The following GTF2E2 variants were observed in gnomAD, a reference collection of about 807,000 sequenced individuals.
GTF2E2 encodes the protein transcription initiation factor IIE subunit beta.
In GTF2E2, 21 loss-of-function variants were observed where a neutral mutation model predicts 40.5. The observed-to-expected ratio is 0.52, with a 90% CI of 0.37 to 0.75. The LOEUF is 0.75. GTF2E2 is among the 30% of genes least tolerant of loss of function. GTF2E2 has a pLI of 0.00. For synonymous variants in GTF2E2, 117 were observed against 121.6 expected (o/e 0.96, Z 0.25); for missense variants, 298 against 338.4 (o/e 0.88, Z 0.94).
At chr8:30,638,782 A>G (rs1226797274) in intron 2 of GTF2E2, 1 of 152,356 alleles carries the variant, frequency 6.6e-6, no homozygotes. Flanking sequence ...ACCGCTTGGT[A>G]GGATTTTATT....
intron 3 of GTF2E2, among the ~76,000 whole-genome samples, chr8:30,625,223 C>T (rs530537711): frequency 4.6e-5 from 7 of 151,984 alleles, no homozygotes; most frequent in South Asian, 2.1e-4. Context: ...TAGTATGAAG[C>T]GCTGTTGAAT....
At chr8:30,620,808 A>G (rs1157947915) in intron 3 of GTF2E2, among the ~76,000 whole-genome samples, 1 of 151,976 alleles carries the variant, frequency 6.6e-6, no homozygotes, top group Non-Finnish European at 1.5e-5. Flanking sequence ...ACATGCCTAT[A>G]ATTCCAGCTG....
In GTF2E2 at chr8:30,591,491, AAAAAATAAAAT is replaced by A. The variant is rs370871566; in HGVS notation, c.644-11106_644-11096del. ...AGAGTGAGACCCTGTTTCTACAGTA[AAAAAATAAAAT>A]AAAAATAAAATAAAATATAAAATGG... is the stretch of plus-strand genomic sequence containing the variant. On this transcript the variant is annotated intron_variant, in intron 6 of 7. Transcript: ENST00000355904. 4.1e-3 allele frequency among the ~76,000 whole-genome samples: 627 copies of A among 152,194 alleles called. 4 individuals are homozygous for A. Among genetic ancestry groups the A allele is most frequent in the African/African-American group, 0.014 (592 of 41,506 alleles).
At chr8:30,628,773 T>C (rs570425458) in intron 3 of GTF2E2, among the ~76,000 whole-genome samples, 31 of 151,948 alleles carry the variant, frequency 2.0e-4, no homozygotes, top group African/African-American at 7.2e-4. Context: ...CTACTAAAAA[T>C]ACAAAAAATT....
chr8:30,653,085 G>A (rs542389927), intron 2 of GTF2E2, among the ~76,000 whole-genome samples: 3 of 152,318 alleles, frequency 2.0e-5, no homozygotes, highest in Admixed American at 2.0e-4. Context: ...GGGCACATCA[G>A]ATCTGCTGGG....
chr8:30,624,840 G>A (rs74507701), intron 3 of GTF2E2, among the ~76,000 whole-genome samples: 108,141 of 151,738 alleles, frequency 0.71, 38,991 homozygotes, highest in Middle Eastern at 0.78. Flanking sequence ...AATGCTTGTG[G>A]TTTTTGCACA....
At chr8:30,628,641 T>G (rs1194569788) in intron 3 of GTF2E2, among the ~76,000 whole-genome samples, 2 of 152,114 alleles carry the variant, frequency 1.3e-5, no homozygotes, top group African/African-American at 4.8e-5. Flanking sequence ...GGTATTAAAT[T>G]TTACCAGAGG....
At chr8:30,641,732 C>A (rs1322255509) in intron 2 of GTF2E2, among the ~76,000 whole-genome samples, 3 of 152,186 alleles carry the variant, frequency 2.0e-5, no homozygotes, top group Admixed American at 6.5e-5. Context: ...CAAAAATTAG[C>A]TGGGTGTGAC....
At chr8:30,601,641 G>GA (rs769410156) in intron 6 of GTF2E2, among the ~76,000 whole-genome samples, 20 of 152,096 alleles carry the variant, frequency 1.3e-4, no homozygotes, top group Non-Finnish European at 2.1e-4. Flanking sequence ...ACAGATCAGT[G>GA]AAAAATACCA....
At chr8:30,622,980 C>T (rs1000976883) in intron 3 of GTF2E2, among the ~76,000 whole-genome samples, 17 of 151,912 alleles carry the variant, frequency 1.1e-4, no homozygotes, top group African/African-American at 2.7e-4. Flanking sequence ...GGTCCTGAAG[C>T]GACATACATC....
At chr8:30,616,189 C>T (rs1216739652) in intron 3 of GTF2E2, among the ~76,000 whole-genome samples, 3 of 152,106 alleles carry the variant, frequency 2.0e-5, no homozygotes, top group Non-Finnish European at 4.4e-5. Context: ...CACCTGTAAT[C>T]CCAGCACTTT....
At position 30,634,673 on chromosome 8, in the gene GTF2E2, T is replaced by C. The variant is rs188179248; in HGVS notation, c.258+359A>G. ...AACTATGTACTTTTTACTTCTCACA[T>C]CAATGGAAGTAATAACCTGAAAAAT... On this transcript the variant is annotated intron_variant, in intron 3 of 7. Coordinates refer to ENST00000355904, the MANE Select transcript of GTF2E2 (RefSeq NM_002095.6). Among the ~76,000 whole-genome samples the C allele has an allele frequency of 9.5e-4, 144 of 152,284 alleles. 3 individuals are homozygous for C. Among genetic ancestry groups the C allele is most frequent in the Middle Eastern group, 6.8e-3 (2 of 294 alleles).
intron 2 of GTF2E2, among the ~76,000 whole-genome samples, chr8:30,649,463 G>A (rs1028498306): frequency 3.9e-5 from 6 of 152,020 alleles, no homozygotes; most frequent in Non-Finnish European, 1.5e-5. Context: ...CCAAAGGTTG[G>A]TTCTTTGAAA....
chr8:30,624,794 C>G (rs1014356814), intron 3 of GTF2E2, among the ~76,000 whole-genome samples: 2 of 152,052 alleles, frequency 1.3e-5, no homozygotes, highest in Non-Finnish European at 2.9e-5. Context: ...GGAGTTCACT[C>G]ATGATTTGGC....
intron 2 of GTF2E2, chr8:30,645,765 G>C: frequency 8.0e-6 from 5 of 621,924 alleles, no homozygotes; most frequent in Non-Finnish European, 1.4e-5. Context: ...TGTGTGTATA[G>C]CCATTTCATT....
intron 1 of GTF2E2, among the ~76,000 whole-genome samples, chr8:30,656,152 A>G (rs1247420709): frequency 2.6e-5 from 4 of 152,154 alleles, no homozygotes; most frequent in Non-Finnish European, 5.9e-5. Context: ...TAGGCAACCC[A>G]CAAGGCCTCT....
chr8:30,585,197 A>G (rs1416573532), intron 6 of GTF2E2: 1 of 152,358 alleles, frequency 6.6e-6, no homozygotes, highest in Admixed American at 6.5e-5. Context: ...AATAATAATA[A>G]TAACGATAAT....
intron 6 of GTF2E2, among the ~76,000 whole-genome samples, chr8:30,599,510 C>A (rs1829110377): frequency 6.7e-6 from 1 of 148,500 alleles, no homozygotes. Flanking sequence ...ACCTGGGAGG[C>A]AGAGGTTGCA....
chr8:30,637,254 C>T (rs2128724424), intron 2 of GTF2E2: 1 of 456,164 alleles, frequency 2.2e-6, no homozygotes, highest in African/African-American at 2.0e-5. Flanking sequence ...CCCCACGCAA[C>T]TGTATAAACA....
Sources: allele counts gnomAD v4.1 joint callset (sites outside exome capture counted in the v4.1 genomes callset), GRCh38; gene constraint gnomAD v4.1.1; transcripts MANE v1.5; gene names NCBI Gene and HGNC (gene_info 2026-07-23, HGNC 2026-07-21).